The following TRAPPC9 variants were observed in gnomAD, a reference collection of about 807,000 sequenced individuals.
TRAPPC9 encodes IKK2 binding protein.
Under a neutral mutation model 124.0 loss-of-function variants are expected in TRAPPC9, and 83 were observed. That is an observed-to-expected ratio of 0.67 (90% CI 0.56 to 0.80). The LOEUF (loss-of-function observed/expected upper bound fraction) is 0.80. TRAPPC9 is among the 30% of genes least tolerant of loss of function. The pLI is 0.00. For missense variants in TRAPPC9, 1,302 were observed against 1,508.3 expected (o/e 0.86, Z 2.27); for synonymous variants, 638 against 617.5 (o/e 1.03, Z -0.49).
At chr8:140,047,519 C>T (rs369003042) in intron 17 of TRAPPC9, among the ~76,000 whole-genome samples, 25 of 152,242 alleles carry the variant, frequency 1.6e-4, no homozygotes, top group African/African-American at 6.0e-4. Context: ...GTGACTGCCT[C>T]GGGATATAGG....
At chr8:139,803,564 C>T (rs991428167) in intron 21 of TRAPPC9, among the ~76,000 whole-genome samples, 2 of 152,242 alleles carry the variant, frequency 1.3e-5, no homozygotes, top group Non-Finnish European at 2.9e-5. Flanking sequence ...CACACACAGA[C>T]CCCAAACACA....
chr8:140,126,054 G>A (rs977745575), intron 17 of TRAPPC9, among the ~76,000 whole-genome samples: 1 of 152,118 alleles, frequency 6.6e-6, no homozygotes, highest in African/African-American at 2.4e-5. Context: ...TTACAGGCAT[G>A]AGCCACAGCA....
At chr8:140,198,546 C>A (rs919590077) in intron 17 of TRAPPC9, among the ~76,000 whole-genome samples, 2 of 152,170 alleles carry the variant, frequency 1.3e-5, no homozygotes, top group African/African-American at 4.8e-5. Context: ...CCAATCAGCA[C>A]TCCCGGCTCA....
In TRAPPC9 at chr8:140,275,673, C is replaced by A. The variant is rs773051579; in HGVS notation, c.2263G>T (p.Val755Phe). 16 of 1,614,064 alleles carry A rather than the reference C, an allele frequency of 9.9e-6. No homozygotes were observed. In the South Asian group the frequency reaches 1.6e-4, roughly 17 times the overall value. ...CAATACCTACCTTTAGTGGTGAGAA[C>A]TTTCGAGGTGACCTCCAGTTTCTCC... ...PLEKLEVTSK[V>F]LTTKEKLYGD... The change falls in exon 15 of 23, where the codon GTT becomes TTT. Residue 755 changes from valine (V) to phenylalanine (F), a missense_variant. Physicochemically the swap from Val to Phe is conservative, Grantham distance 50 (BLOSUM62 -1). Around this residue, in one of 3 missense-constraint regions of TRAPPC9, gnomAD observed 640 missense variants for 679.3 expected, o/e 0.94. Coordinates refer to ENST00000438773, the MANE Select transcript of TRAPPC9 (RefSeq NM_001160372.4).
intron 21 of TRAPPC9, among the ~76,000 whole-genome samples, chr8:139,870,676 AC>A (rs1399348634): frequency 6.6e-6 from 1 of 152,248 alleles, no homozygotes; most frequent in Non-Finnish European, 1.5e-5. Flanking sequence ...AACAGCTGTC[AC>A]AGGACACCAT....
At chr8:139,930,975 A>C (rs1271141252) in intron 19 of TRAPPC9, among the ~76,000 whole-genome samples, 1 of 152,120 alleles carries the variant, frequency 6.6e-6, no homozygotes, top group Non-Finnish European at 1.5e-5. Context: ...CAGGGTGCCC[A>C]CCCTGCTGGA....
chr8:139,828,475 C>T (rs773149546), intron 21 of TRAPPC9, among the ~76,000 whole-genome samples: 1 of 152,160 alleles, frequency 6.6e-6, no homozygotes, highest in Non-Finnish European at 1.5e-5. Context: ...TGAAGATAAC[C>T]GCTCACATTT....
chr8:140,311,574 A>C lies in TRAPPC9; in HGVS notation c.1496-200T>G, dbSNP rs185911031. Among the ~76,000 whole-genome samples, 84 of 152,284 alleles carry C rather than the reference A, an allele frequency of 5.5e-4. 1 individual carries two copies. The highest frequency in any genetic ancestry group is 1.1e-3 in the Non-Finnish European group (78 of 68,016). ...GAAAATCACCGGCACTGCTCCTCTT[A>C]AGGGCCTGTGGATAAAAGGGAAATT... On this transcript the variant is annotated intron_variant, in intron 9 of 22. Coordinates refer to ENST00000438773, the MANE Select transcript of TRAPPC9 (RefSeq NM_001160372.4).
At chr8:140,125,174 GAGGCC>G (rs2130649202) in intron 17 of TRAPPC9, among the ~76,000 whole-genome samples, 1 of 152,358 alleles carries the variant, frequency 6.6e-6, no homozygotes, top group South Asian at 2.1e-4. Context: ...TCAGCAGGCA[GAGGCC>G]CACCCAGAGC....
At chr8:140,347,536 C>T (rs745904850) in intron 9 of TRAPPC9, among the ~76,000 whole-genome samples, 3 of 152,126 alleles carry the variant, frequency 2.0e-5, no homozygotes, top group Admixed American at 6.5e-5. Context: ...ACAAGAATCC[C>T]GGGAAGTCAT....
chr8:140,452,571 T>C (rs62527790), intron 1 of TRAPPC9, among the ~76,000 whole-genome samples: 13,068 of 152,162 alleles, frequency 0.086, 618 homozygotes, highest in African/African-American at 0.11. Context: ...CCTTTATAAA[T>C]GGGAGAGTTG....
chr8:140,161,979 C>T (rs1032970364), intron 17 of TRAPPC9, among the ~76,000 whole-genome samples: 1 of 152,184 alleles, frequency 6.6e-6, no homozygotes, highest in Admixed American at 6.5e-5. Flanking sequence ...CAGAGAGGAG[C>T]CCTGAGCTGT....
At chr8:139,986,029 G>T (rs1008636444) in intron 19 of TRAPPC9, among the ~76,000 whole-genome samples, 5 of 152,154 alleles carry the variant, frequency 3.3e-5, no homozygotes, top group Non-Finnish European at 5.9e-5. Flanking sequence ...CGGATCACAA[G>T]GTCAGGAGTC....
At chr8:139,903,228 C>T (rs1231445550) in intron 20 of TRAPPC9, among the ~76,000 whole-genome samples, 5 of 152,188 alleles carry the variant, frequency 3.3e-5, no homozygotes, top group Admixed American at 3.3e-4. Context: ...CTCCAATCCC[C>T]TACTCTGGGT....
At chr8:139,846,654 G>A (rs1158563404) in intron 21 of TRAPPC9, among the ~76,000 whole-genome samples, 1 of 152,236 alleles carries the variant, frequency 6.6e-6, no homozygotes, top group Non-Finnish European at 1.5e-5. Context: ...CAGCAAACAC[G>A]ATGCTAGCCG....
At chr8:140,308,327 G>C (rs1215175834) in intron 10 of TRAPPC9, among the ~76,000 whole-genome samples, 1 of 149,700 alleles carries the variant, frequency 6.7e-6, no homozygotes, top group Admixed American at 6.7e-5. Flanking sequence ...GTGGGGAGCA[G>C]AGTAGGCTAC....
intron 21 of TRAPPC9, among the ~76,000 whole-genome samples, chr8:139,752,489 T>G (rs1194333265): frequency 6.7e-6 from 1 of 148,298 alleles, no homozygotes; most frequent in Non-Finnish European, 1.5e-5. Context: ...CATCTACCCA[T>G]GTATCCACCC....
At chr8:140,300,724 A>AGAT (rs1206229620) in intron 10 of TRAPPC9, 110 bp from the exon 11 acceptor site, 1 of 1,372,368 alleles carries the variant, frequency 7.3e-7, no homozygotes, top group Non-Finnish European at 1.0e-6. Context: ...GTCAGAAGGA[A>AGAT]GATAAATGGA....
At chr8:139,761,197 G>A (rs1820194115) in intron 21 of TRAPPC9, among the ~76,000 whole-genome samples, 1 of 152,208 alleles carries the variant, frequency 6.6e-6, no homozygotes, top group Non-Finnish European at 1.5e-5. Context: ...GGGATGAGGT[G>A]CCTGTGCTGG....
Sources: allele counts gnomAD v4.1 joint callset (sites outside exome capture counted in the v4.1 genomes callset), GRCh38; gene constraint gnomAD v4.1.1; regional missense constraint gnomAD v4.1.1; transcripts MANE v1.5; gene names NCBI Gene and HGNC (gene_info 2026-07-23, HGNC 2026-07-21).